WARS1: variants seen among roughly 807,000 people sequenced by gnomAD.
The protein encoded by WARS1 is tryptophanyl-tRNA synthetase 1.
A neutral mutation model predicts 47.8 loss-of-function variants in WARS1; 17 were observed. The observed-to-expected ratio is 0.36, with a 90% CI of 0.24 to 0.53. The LOEUF (loss-of-function observed/expected upper bound fraction) is 0.53. Ranked by LOEUF, WARS1 falls within the 20% of genes least tolerant of loss-of-function variation. The pLI, the probability that WARS1 is intolerant of heterozygous loss-of-function variation, is 0.91. For missense variants in WARS1, 434 were observed against 608.0 expected (o/e 0.71, Z 3.01); for synonymous variants, 208 against 228.1 (o/e 0.91, Z 0.79).
chr14:100,341,531 A>G (rs1161681673), intron 9 of WARS1, among the ~76,000 whole-genome samples: 1 of 152,304 alleles, frequency 6.6e-6, no homozygotes, highest in African/African-American at 2.4e-5. Context: ...TTCCCACTGC[A>G]ATCTTCTAGC....
intron 7 of WARS1, among the ~76,000 whole-genome samples, chr14:100,344,876 C>T (rs1894449996): frequency 6.6e-6 from 1 of 151,782 alleles, no homozygotes; most frequent in African/African-American, 2.4e-5. Flanking sequence ...TGAGGAGCCC[C>T]TCCACCCGGC....
chr14:100,359,032 A>G (rs1371289372), intron 4 of WARS1, among the ~76,000 whole-genome samples: 4 of 152,244 alleles, frequency 2.6e-5, no homozygotes, highest in African/African-American at 9.6e-5. Flanking sequence ...GAGTGGGTGA[A>G]GATGTGGAGA....
At position 100,371,447 on chromosome 14, in the gene WARS1, CAA is replaced by C. The variant is rs60977618; in HGVS notation, c.-73-2191_-73-2190del. Among the ~76,000 whole-genome samples the C allele has an allele frequency of 3.7e-4, 33 of 89,152 alleles. 1 individual carries two copies. In the South Asian group the frequency reaches 0.013, roughly 34 times the overall value. The allele number at this position is 89,152 out of a possible 152,430, so 58.5% of individuals were successfully genotyped here. A position where few individuals can be genotyped will look rare whatever the true frequency, so the allele number is the denominator to read the frequency against. ...CCTGGGTGACAGAAAGGTTCTGTCT[CAA>C]AAAAAAAAAAAAAAAAAAGTAGGCC... On this transcript the variant is annotated intron_variant, in intron 1 of 10. Transcript: ENST00000392882.
chr14:100,367,024 A>T lies in WARS1; in HGVS notation c.99+2063T>A, dbSNP rs1257937530. ...GTTTGTCCCTTACAGAATATTAGTA[A>T]GATTTAATACAGTAAAATAAGATTA... On this transcript the variant is annotated intron_variant, in intron 2 of 10. Coordinates refer to ENST00000392882, the MANE Select transcript of WARS1 (RefSeq NM_004184.4). 3 of 859,498 alleles carry T rather than the reference A, an allele frequency of 3.5e-6. No individual in the cohort carries two copies. The Admixed American group carries it at 8.1e-5, about 23-fold the overall frequency. 53.2% of individuals were successfully genotyped at this position (859,498 alleles called of 1,614,324 possible).
intron 6 of WARS1, among the ~76,000 whole-genome samples, chr14:100,348,965 C>A (rs533758085): frequency 1.3e-5 from 2 of 152,222 alleles, no homozygotes; most frequent in African/African-American, 4.8e-5. Flanking sequence ...GGACGGCTGT[C>A]CCCCTGCACA....
intron 7 of WARS1, among the ~76,000 whole-genome samples, chr14:100,345,408 T>C (rs1478836602): frequency 1.3e-5 from 2 of 152,202 alleles, no homozygotes; most frequent in African/African-American, 4.8e-5. Flanking sequence ...TACTCAGGGT[T>C]AAATGGATTA....
At position 100,366,602 on chromosome 14, in the gene WARS1, T is replaced by C. The variant is rs149630697; in HGVS notation, c.99+2485A>G. On this transcript the variant is annotated intron_variant, in intron 2 of 10. Coordinates refer to ENST00000392882, the MANE Select transcript of WARS1 (RefSeq NM_004184.4). ...CTCAGAGAGAGAGAGTTGAGTGTCC[T>C]GAGAGGTCAGATTGCTGTCAGACAT... 438 of 724,216 alleles carry C rather than the reference T, an allele frequency of 6.0e-4. No homozygotes were observed. The African/African-American group carries it at 6.6e-3, about 11-fold the overall frequency. The allele number at this position is 724,216 out of a possible 1,614,324, so 44.9% of individuals were successfully genotyped here. A position where few individuals can be genotyped will look rare whatever the true frequency, so the allele number is the denominator to read the frequency against.
intron 4 of WARS1, among the ~76,000 whole-genome samples, chr14:100,354,854 G>C (rs574830331): frequency 6.6e-6 from 1 of 152,302 alleles, no homozygotes; most frequent in South Asian, 2.1e-4. Flanking sequence ...CCAAACATCA[G>C]TGCCGACATA....
intron 9 of WARS1, among the ~76,000 whole-genome samples, chr14:100,339,382 G>A (rs879446145): frequency 5.3e-5 from 8 of 152,036 alleles, no homozygotes; most frequent in Non-Finnish European, 1.2e-4. Context: ...ACGAGGTCAG[G>A]AGATCAAGAC....
At chr14:100,341,292 C>G (rs1409947616) in intron 9 of WARS1, among the ~76,000 whole-genome samples, 1 of 152,208 alleles carries the variant, frequency 6.6e-6, no homozygotes, top group African/African-American at 2.4e-5. Context: ...TCCCTCCCCA[C>G]TCTGCACCCT....
rs532073826 is a variant in WARS1, at chr14:100,361,909, A to G, written c.112T>C (p.Ser38Pro). 2 of 1,614,176 alleles carry G rather than the reference A, an allele frequency of 1.2e-6. No homozygotes were observed. The highest frequency in any genetic ancestry group is 1.3e-5 in the African/African-American group (1 of 75,052). Residue 38 changes from serine (S) to proline (P), a missense_variant, in exon 3 of 11, where the codon TCT becomes CCT. Physicochemically the swap from Ser to Pro is moderately conservative, Grantham distance 74. This residue lies in a region of WARS1 where 87 missense variants were observed against 84.2 expected (regional missense o/e 1.03). Transcript: ENST00000392882. The stretch of plus-strand genomic sequence containing the variant: ...AATGACACCAACATCTTTACTGCAG[A>G]ATCAATTTCATCCTGAGAGAGGAAA... Reference protein sequence around the residue: ...AGNASKDEIDSAVKMLVSLKM... With the variant: ...AGNASKDEIDPAVKMLVSLKM...
chr14:100,360,982 T>C (rs1895624983), intron 3 of WARS1, among the ~76,000 whole-genome samples: 1 of 151,862 alleles, frequency 6.6e-6, no homozygotes, highest in Non-Finnish European at 1.5e-5. Context: ...TATAAACATA[T>C]ACATATATAA....
intron 10 of WARS1, among the ~76,000 whole-genome samples, chr14:100,336,169 G>C (rs1343569448): frequency 6.6e-6 from 1 of 151,090 alleles, no homozygotes; most frequent in African/African-American, 2.4e-5. Flanking sequence ...CCAGCTACTC[G>C]GGAGGCTGAG....
At chr14:100,344,547 G>A (rs75590582) in intron 7 of WARS1, among the ~76,000 whole-genome samples, 102,839 of 149,892 alleles carry the variant, frequency 0.69, 36,263 homozygotes, top group Admixed American at 0.81. Context: ...GCCGCCCATC[G>A]TCTGGGACGT....
intron 5 of WARS1, chr14:100,354,199 A>G (rs3783345): frequency 0.78 from 403,198 of 517,548 alleles, 158,333 homozygotes; most frequent in East Asian, 0.88. Flanking sequence ...ATGGCCATGC[A>G]GACAGGGAGC....
intron 4 of WARS1, among the ~76,000 whole-genome samples, chr14:100,358,285 A>T (rs1415354752): frequency 1.2e-4 from 18 of 152,158 alleles, no homozygotes; most frequent in Non-Finnish European, 4.4e-5. Context: ...GGCGCCCATC[A>T]CCACACCTGG....
In WARS1 at chr14:100,344,424, G is replaced by A. The variant is rs371573858; in HGVS notation, c.827-1037C>T. On this transcript the variant is annotated intron_variant, in intron 7 of 10. Transcript: ENST00000392882. ...GGCTGGAGTGCAGTGGTGTGATCTC[G>A]GCTCGCTACAACCTCCACCTCCCAG... 4.3e-4 allele frequency among the ~76,000 whole-genome samples: 65 copies of A among 152,066 alleles called. 1 individual carries two copies. In the East Asian group the frequency reaches 0.011, roughly 27 times the overall value.
In WARS1 at chr14:100,334,206, A is replaced by G. The variant is rs1251631433; in HGVS notation, c.*669T>C. On this transcript the variant is annotated 3_prime_UTR_variant, in exon 11 of 11. Transcript: ENST00000392882. ...GAAGCGAGCATGATTTCTGGAGTGG[A>G]CTACATGCATGGTCTGGAGTTCAGT... The G allele has an allele frequency of 6.6e-6, 1 of 152,666 alleles. No homozygotes were observed. Among genetic ancestry groups the G allele is most frequent in the African/African-American group, 2.4e-5 (1 of 41,450 alleles). The allele number at this position is 152,666 out of a possible 1,614,324, so 9.5% of individuals were successfully genotyped here.
intron 9 of WARS1, among the ~76,000 whole-genome samples, chr14:100,337,432 TG>T (rs1426101813): frequency 6.6e-6 from 1 of 151,776 alleles, no homozygotes; most frequent in African/African-American, 2.4e-5. Context: ...GCAGGAGAGG[TG>T]GGGGCAGATG....
Sources: allele counts gnomAD v4.1 joint callset (sites outside exome capture counted in the v4.1 genomes callset), GRCh38; gene constraint gnomAD v4.1.1; regional missense constraint gnomAD v4.1.1; transcripts MANE v1.5; gene names NCBI Gene and HGNC (gene_info 2026-07-23, HGNC 2026-07-21).